GLRA3: variants seen among roughly 807,000 people sequenced by gnomAD.
The protein encoded by GLRA3 is glycine receptor alpha 3.
Under a neutral mutation model 60.4 loss-of-function variants are expected in GLRA3, and 44 were observed. The ratio of observed to expected loss-of-function variants is 0.73; its 90% CI spans 0.57 to 0.94. The LOEUF (loss-of-function observed/expected upper bound fraction) is 0.94. GLRA3 is among the 40% of genes least tolerant of loss of function. The pLI is 0.00. For synonymous variants in GLRA3, 223 were observed against 192.9 expected, an observed-to-expected ratio of 1.16 and a Z score of -1.29; for missense variants, 508 against 564.6, an observed-to-expected ratio of 0.90 and a Z score of 1.02.
intron 7 of GLRA3, among the ~76,000 whole-genome samples, chr4:174,670,453 C>T (rs1733861896): frequency 6.6e-6 from 1 of 152,126 alleles, no homozygotes; most frequent in Admixed American, 6.5e-5. Context: ...TTTACATTCA[C>T]TTTTATCTTT....
chr4:174,757,993 TAA>T (rs1303445359), intron 3 of GLRA3, among the ~76,000 whole-genome samples: 1 of 128,978 alleles, frequency 7.8e-6, no homozygotes, highest in Non-Finnish European at 1.7e-5. Context: ...AACTGCTTGT[TAA>T]AAAGAGTCTG....
chr4:174,696,975 T>G (rs1735082023), intron 5 of GLRA3, among the ~76,000 whole-genome samples: 1 of 152,192 alleles, frequency 6.6e-6, no homozygotes, highest in South Asian at 2.1e-4. Flanking sequence ...TCAAATTTCC[T>G]AGCACAAACA....
chr4:174,657,903 C>T (rs1213779472), intron 8 of GLRA3, among the ~76,000 whole-genome samples: 1 of 152,056 alleles, frequency 6.6e-6, no homozygotes, highest in Non-Finnish European at 1.5e-5. Flanking sequence ...TTCCACGTAG[C>T]TGTTAATTGT....
At chr4:174,759,902 C>T (rs976000596) in intron 3 of GLRA3, among the ~76,000 whole-genome samples, 5 of 152,058 alleles carry the variant, frequency 3.3e-5, no homozygotes, top group Non-Finnish European at 7.4e-5. Flanking sequence ...AAGCAAAACT[C>T]TTTTATCAGA....
chr4:174,828,642 A>G (rs1364173733), intron 1 of GLRA3, 99 bp downstream of exon 1: 3 of 751,538 alleles, frequency 4.0e-6, no homozygotes, highest in Non-Finnish European at 7.3e-6. Flanking sequence ...ACAAGTCAAT[A>G]TAGAATTGCA....
chr4:174,756,206 G>C (rs1032075422), intron 3 of GLRA3, among the ~76,000 whole-genome samples: 3 of 152,054 alleles, frequency 2.0e-5, no homozygotes, highest in African/African-American at 7.2e-5. Context: ...AATTTTACAT[G>C]AACCATTTTA....
At chr4:174,744,264 C>T (rs1357419180) in intron 3 of GLRA3, among the ~76,000 whole-genome samples, 1 of 152,244 alleles carries the variant, frequency 6.6e-6, no homozygotes, top group Non-Finnish European at 1.5e-5. Context: ...TGCTCAGGGA[C>T]CTAAGAACGC....
intron 1 of GLRA3, among the ~76,000 whole-genome samples, chr4:174,819,797 T>C (rs920329916): frequency 1.3e-5 from 2 of 152,144 alleles, no homozygotes; most frequent in African/African-American, 4.8e-5. Context: ...TTATTAGAGA[T>C]TCTGATCCCA....
chr4:174,699,595 A>G (rs1735215178), intron 5 of GLRA3, among the ~76,000 whole-genome samples: 1 of 152,132 alleles, frequency 6.6e-6, no homozygotes, highest in Non-Finnish European at 1.5e-5. Context: ...GTAATAATAA[A>G]ATTCTATCTA....
chr4:174,714,632 C>T (rs987532764), intron 5 of GLRA3, among the ~76,000 whole-genome samples: 2 of 152,146 alleles, frequency 1.3e-5, no homozygotes, highest in African/African-American at 4.8e-5. Context: ...TTGTCTTTGA[C>T]ACCTGGAGTC....
intron 4 of GLRA3, among the ~76,000 whole-genome samples, chr4:174,716,462 T>G (rs1225666122): frequency 6.6e-6 from 1 of 152,150 alleles, no homozygotes; most frequent in African/African-American, 2.4e-5. Flanking sequence ...CTCTTCAGGG[T>G]AGTTTTTCTG....
intron 1 of GLRA3, among the ~76,000 whole-genome samples, chr4:174,799,173 A>T (rs976784063): frequency 7.2e-5 from 11 of 152,220 alleles, no homozygotes; most frequent in African/African-American, 2.7e-4. Context: ...TCATTTAATT[A>T]CCATAATAAT....
Position 174,747,393 on chromosome 4 carries a change from A to G in GLRA3, c.268-18695T>C, listed in dbSNP as rs115617802. On this transcript the variant is annotated intron_variant, in intron 3 of 9. Coordinates refer to ENST00000274093, the MANE Select transcript of GLRA3 (RefSeq NM_006529.4). ...GAATTCAGTCTGATGACTTAAGGTG[A>G]GACAGATTATACAGGGCTAGTATAA... Among the ~76,000 whole-genome samples, 962 of 152,318 alleles carry G rather than the reference A, an allele frequency of 6.3e-3. 9 individuals carry two copies. Among genetic ancestry groups the G allele is most frequent in the African/African-American group, 0.022 (921 of 41,568 alleles).
In GLRA3 at chr4:174,656,196, A is replaced by G. The variant is rs532702115; in HGVS notation, c.1116+547T>C. On this transcript the variant is annotated intron_variant, in intron 9 of 9. Transcript: ENST00000274093. ...ACATGTGTCTTTGTGACCTCTTTTT[A>G]TTTGATAATTTCAAAGGATGCTGCT... 4.6e-5 allele frequency among the ~76,000 whole-genome samples: 7 copies of G among 152,142 alleles called. No homozygotes were observed. The South Asian group carries it at 1.5e-3, about 32-fold the overall frequency.
At chr4:174,782,750 C>A (rs1431676573) in intron 2 of GLRA3, among the ~76,000 whole-genome samples, 7 of 152,026 alleles carry the variant, frequency 4.6e-5, no homozygotes, top group Non-Finnish European at 7.4e-5. Context: ...ACCTAGGAAT[C>A]CAACTTACAA....
chr4:174,719,014 G>A (rs923022485), intron 4 of GLRA3, among the ~76,000 whole-genome samples: 1 of 144,098 alleles, frequency 6.9e-6, no homozygotes, highest in African/African-American at 2.6e-5. Flanking sequence ...CCAGGCTGGA[G>A]TGCAGTGGCG....
intron 3 of GLRA3, among the ~76,000 whole-genome samples, chr4:174,764,499 G>A (rs1738061189): frequency 6.6e-6 from 1 of 150,786 alleles, no homozygotes; most frequent in African/African-American, 2.4e-5. Flanking sequence ...TGCCTTAGTT[G>A]AATTCAATTA....
chr4:174,756,618 G>A (rs1252146077), intron 3 of GLRA3, among the ~76,000 whole-genome samples: 1 of 150,938 alleles, frequency 6.6e-6, no homozygotes, highest in Non-Finnish European at 1.5e-5. Flanking sequence ...GGATTTATGG[G>A]AAACCTACAG....
Position 174,641,627 on chromosome 4 carries a change from C to G in GLRA3, c.*2159G>C, listed in dbSNP as rs532192567. On this transcript the variant is annotated 3_prime_UTR_variant, in exon 10 of 10. Transcript: ENST00000274093. ...GTCTCATGTTTGGTATTTTCACTTTCTAAGTTTCTGATTTAACAAAGACAC... is the reference window on the plus strand; with the variant it reads ...GTCTCATGTTTGGTATTTTCACTTTGTAAGTTTCTGATTTAACAAAGACAC... 6.6e-6 allele frequency: 1 copy of G among 152,116 alleles called. No homozygotes were observed. Among genetic ancestry groups the G allele is most frequent in the African/African-American group, 2.4e-5 (1 of 41,552 alleles). 9.4% of individuals were successfully genotyped at this position (152,116 alleles called of 1,614,324 possible). A position where few individuals can be genotyped will look rare whatever the true frequency, so the allele number is the denominator to read the frequency against.
Sources: gnomAD v4.1 joint callset for allele counts (sites outside exome capture counted in the v4.1 genomes callset) on GRCh38, gnomAD v4.1.1 for gene constraint, MANE v1.5 for transcripts, NCBI Gene and HGNC (gene_info 2026-07-23, HGNC 2026-07-21) for gene names.